The following HPN variants were observed in gnomAD, a reference collection of about 807,000 sequenced individuals.
The protein encoded by HPN is serine protease hepsin.
In HPN, 13 loss-of-function variants were observed where a neutral mutation model predicts 55.9. That is an observed-to-expected ratio of 0.23 (90% CI 0.15 to 0.37). The LOEUF (loss-of-function observed/expected upper bound fraction) is 0.37, where lower values mean the gene tolerates loss of function less well. Ranked by LOEUF, HPN falls within the 10% of genes least tolerant of loss-of-function variation. The pLI, the probability that HPN is intolerant of heterozygous loss-of-function variation, is 1.00. For synonymous variants in HPN, 225 were observed against 240.3 expected (o/e 0.94, Z 0.59); for missense variants, 451 against 575.8 (o/e 0.78, Z 2.22).
chr19:35,059,330 A>C, intron 4 of HPN: 1 of 411,388 alleles, frequency 2.4e-6, no homozygotes, highest in East Asian at 5.4e-5. Context: ...ACAAACAAAA[A>C]AATTAGTCAG....
chr19:35,064,714 A>G (rs868324451), intron 9 of HPN, among the ~76,000 whole-genome samples: 10 of 152,292 alleles, frequency 6.6e-5, no homozygotes, highest in Middle Eastern at 3.4e-3. Context: ...ATGGGATAAT[A>G]TAGACCCTAC....
intron 4 of HPN, 31 bp from the exon 5 acceptor site, chr19:35,059,642 C>G: frequency 6.4e-7 from 1 of 1,571,514 alleles, no homozygotes; most frequent in Non-Finnish European, 8.6e-7. Context: ...GCTGTGGGAC[C>G]CAGGCGGCCC....
At chr19:35,059,529 G>T in intron 4 of HPN, 144 bp from the exon 5 acceptor site, 1 of 1,013,728 alleles carries the variant, frequency 9.9e-7, no homozygotes, top group Non-Finnish European at 1.5e-6. Flanking sequence ...AATCGCAGAT[G>T]TGGGGGCTGC....
At chr19:35,059,619 T>C (rs2064501158) in intron 4 of HPN, 54 bp from the exon 5 acceptor site, 3 of 1,554,384 alleles carry the variant, frequency 1.9e-6, no homozygotes, top group Non-Finnish European at 2.6e-6. Flanking sequence ...TGGGGAAGCA[T>C]GTGGGGAGCC....
chr19:35,041,893 A>G (rs780314869), intron 1 of HPN, 21 bp downstream of exon 1: 6 of 1,328,962 alleles, frequency 4.5e-6, no homozygotes, highest in East Asian at 9.9e-5. Context: ...GGGCCCCCAG[A>G]CTCACAGTTC....
chr19:35,042,646 A>AC (rs11399986), intron 2 of HPN, 124 bp downstream of exon 2: 679,617 of 679,688 alleles, frequency 1, 339,773 homozygotes, highest in Middle Eastern at 1. Flanking sequence ...ATGCATCCCC[A>AC]CCCCTGTTAG....
At chr19:35,055,795 T>G (rs1168187367) in intron 4 of HPN, among the ~76,000 whole-genome samples, 1 of 152,048 alleles carries the variant, frequency 6.6e-6, no homozygotes, top group Non-Finnish European at 1.5e-5. Flanking sequence ...TCTTAAAACC[T>G]GGCTGCCTCA....
Position 35,049,281 on chromosome 19 carries a change from C to G in HPN, c.17-9C>G. The G allele has an allele frequency of 6.6e-7, 1 of 1,524,072 alleles. No homozygotes were observed. The highest frequency in any genetic ancestry group is 8.8e-7 in the Non-Finnish European group (1 of 1,133,092). 94.4% of individuals were successfully genotyped at this position (1,524,072 alleles called of 1,614,324 possible). A position where few individuals can be genotyped will look rare whatever the true frequency, so the allele number is the denominator to read the frequency against. On this transcript the variant is annotated splice_polypyrimidine_tract_variant and intron_variant, in intron 2 of 12. Coordinates refer to ENST00000672452, the MANE Select transcript of HPN (RefSeq NM_001384133.1). ...CCTGGCTGTGGCCCCAGCATGGTGT[C>G]TGTTGCAGGTGGCCGGACTGTGCCA...
At chr19:35,061,855 C>T (rs2064537613) in intron 9 of HPN, among the ~76,000 whole-genome samples, 1 of 152,002 alleles carries the variant, frequency 6.6e-6, no homozygotes, top group Non-Finnish European at 1.5e-5. Context: ...TGTTTGTGCT[C>T]AGGAGTTTAA....
chr19:35,048,399 A>T (rs2064369581), intron 2 of HPN, among the ~76,000 whole-genome samples: 1 of 152,238 alleles, frequency 6.6e-6, no homozygotes, highest in Non-Finnish European at 1.5e-5. Context: ...AAATGAGCTG[A>T]TGTATTTAGA....
upstream of HPN, among the ~76,000 whole-genome samples, chr19:35,040,769 A>G (rs943645900): frequency 1.3e-5 from 2 of 152,104 alleles, no homozygotes; most frequent in Non-Finnish European, 2.9e-5. Flanking sequence ...AGAGACGGGT[A>G]TGGATGGAAA....
At chr19:35,041,629 C>G, upstream of HPN, 1 of 1,156,168 alleles carries the variant, frequency 8.6e-7, no homozygotes, top group Non-Finnish European at 1.1e-6. Context: ...AAGCCCGGCC[C>G]CATCAGCCAG....
chr19:35,043,595 C>A (rs1231377825), intron 2 of HPN, among the ~76,000 whole-genome samples: 1 of 152,196 alleles, frequency 6.6e-6, no homozygotes, highest in African/African-American at 2.4e-5. Flanking sequence ...AAGCACTGAG[C>A]GTGTTGGCTG....
intron 10 of HPN, 48 bp from the exon 11 acceptor site, chr19:35,065,491 G>A (rs759425027): frequency 1.2e-6 from 2 of 1,603,994 alleles, no homozygotes; most frequent in African/African-American, 2.7e-5. Flanking sequence ...AGGGAAGGGG[G>A]GTGTGTACAC....
intron 2 of HPN, among the ~76,000 whole-genome samples, chr19:35,043,704 C>T (rs1391787192): frequency 6.6e-6 from 1 of 152,206 alleles, no homozygotes; most frequent in Non-Finnish European, 1.5e-5. Context: ...ACCCAGGCTC[C>T]CAGTTACTCA....
In HPN at chr19:35,060,637, G is replaced by C; in HGVS notation, c.631G>C (p.Val211Leu). 1 of 1,613,954 alleles carries C rather than the reference G, an allele frequency of 6.2e-7. No individual in the cohort carries two copies. Among genetic ancestry groups the C allele is most frequent in the South Asian group, 1.1e-5 (1 of 91,090 alleles). The change falls in exon 9 of 13, where the codon GTC becomes CTC. Residue 211 changes from valine to leucine, a missense_variant. This residue lies in a region of HPN where 378 missense variants were observed against 445.5 expected (regional missense o/e 0.85). Coordinates refer to ENST00000672452, the MANE Select transcript of HPN (RefSeq NM_001384133.1). The stretch of plus-strand genomic sequence containing the variant: ...CCCTTTCCCTGGTAGGCGGAACCGG[G>C]TCCTGTCCCGATGGCGAGTGTTTGC... ...AAHCFPERNR[V>L]LSRWRVFAGA...
chr19:35,057,783 C>T (rs139727696), intron 4 of HPN, among the ~76,000 whole-genome samples: 83 of 152,214 alleles, frequency 5.5e-4, no homozygotes, highest in African/African-American at 2.0e-3. Flanking sequence ...TTGATTTAGC[C>T]GTTCCACAAC....
rs1381809205 is a variant in HPN, at chr19:35,066,357, A to G, written c.*70A>G. The G allele has an allele frequency of 2.6e-6, 4 of 1,546,494 alleles. No homozygotes were observed. Among genetic ancestry groups the G allele is most frequent in the Non-Finnish European group, 3.5e-6 (4 of 1,145,632 alleles). On this transcript the variant is annotated 3_prime_UTR_variant, in exon 13 of 13. Transcript: ENST00000672452. ...CGGTGGTGGGATCCACGCTGGGCCT[A>G]GGATGGGACGTTTTTCTTCTTGGGC...
intron 1 of HPN, 133 bp downstream of exon 1, chr19:35,042,005 C>T (rs68093093): frequency 0.14 from 161,593 of 1,169,912 alleles, 11,738 homozygotes; most frequent in Middle Eastern, 0.21. Flanking sequence ...CTATGACGTC[C>T]CCCCAAGCAC....
Sources: allele counts gnomAD v4.1 joint callset (sites outside exome capture counted in the v4.1 genomes callset), GRCh38; gene constraint gnomAD v4.1.1; regional missense constraint gnomAD v4.1.1; transcripts MANE v1.5; gene names NCBI Gene and HGNC (gene_info 2026-07-23, HGNC 2026-07-21).